Variants in ANTXR2 observed in about 807,000 individuals in gnomAD.
ANTXR2 encodes the protein anthrax toxin receptor 2.
In ANTXR2, 44 loss-of-function variants were observed where a neutral mutation model predicts 73.7. That is an observed-to-expected ratio of 0.60 (90% CI 0.47 to 0.77). The LOEUF (loss-of-function observed/expected upper bound fraction) is 0.77, where lower values mean the gene tolerates loss of function less well. Among genes scored for constraint, ANTXR2 ranks in the 30% least tolerant of loss-of-function variants. ANTXR2 has a pLI of 0.00. For missense variants in ANTXR2, 604 were observed against 592.5 expected (o/e 1.02, Z -0.20); for synonymous variants, 217 against 205.9 (o/e 1.05, Z -0.46).
At chr4:80,065,744 A>G (rs932435221) in intron 3 of ANTXR2, among the ~76,000 whole-genome samples, 9 of 152,196 alleles carry the variant, frequency 5.9e-5, no homozygotes, top group African/African-American at 1.4e-4. Flanking sequence ...CCTCATCTCT[A>G]CTAAGAATCT....
chr4:79,908,649 C>A (rs1727011200), intron 16 of ANTXR2, among the ~76,000 whole-genome samples: 1 of 152,124 alleles, frequency 6.6e-6, no homozygotes, highest in African/African-American at 2.4e-5. Flanking sequence ...ATTATTACTA[C>A]AATTGCCAAT....
At chr4:79,910,059 T>C (rs970869313) in intron 16 of ANTXR2, among the ~76,000 whole-genome samples, 21 of 152,204 alleles carry the variant, frequency 1.4e-4, no homozygotes, top group African/African-American at 5.1e-4. Context: ...TGTGTGACCA[T>C]GGGCGACTTA....
intron 12 of ANTXR2, among the ~76,000 whole-genome samples, chr4:79,989,432 C>A (rs1345258871): frequency 6.6e-6 from 1 of 151,720 alleles, no homozygotes. Context: ...TGAAGATTGA[C>A]CAACAAAGAA....
intron 3 of ANTXR2, among the ~76,000 whole-genome samples, chr4:80,061,215 T>C (rs1734235107): frequency 6.6e-6 from 1 of 152,146 alleles, no homozygotes; most frequent in Admixed American, 6.5e-5. Flanking sequence ...TGCTGCATTC[T>C]ATTGACTGAA....
chr4:80,006,177 C>T (rs559519312), intron 12 of ANTXR2, among the ~76,000 whole-genome samples: 5 of 152,172 alleles, frequency 3.3e-5, no homozygotes, highest in East Asian at 3.9e-4. Flanking sequence ...TCTTTACACA[C>T]GCCGCTATTA....
chr4:80,031,648 C>A lies in ANTXR2; in HGVS notation c.841G>T (p.Ala281Ser). 1 of 1,527,394 alleles carries A rather than the reference C, an allele frequency of 6.5e-7. No homozygotes were observed. 94.6% of individuals were successfully genotyped at this position (1,527,394 alleles called of 1,614,324 possible). A position where few individuals can be genotyped will look rare whatever the true frequency, so the allele number is the denominator to read the frequency against. Reference protein sequence around the residue: ...SVQLNSMLCPAPILNKAGETL... With the variant: ...SVQLNSMLCPSPILNKAGETL... ...TCTCCAGCTTTATTCAGGATAGGTG[C>A]AGGACAAAGCATAGAATTAAGCTGT... The change falls in exon 10 of 17, where the codon GCA becomes TCA. Residue 281 changes from alanine to serine, a missense_variant. Physicochemically the swap from Ala to Ser is moderately conservative, Grantham distance 99. Coordinates refer to ENST00000403729, the MANE Select transcript of ANTXR2 (RefSeq NM_058172.6).
At chr4:80,063,508 AGG>A (rs1734359342) in intron 3 of ANTXR2, among the ~76,000 whole-genome samples, 2 of 152,066 alleles carry the variant, frequency 1.3e-5, no homozygotes. Context: ...AAAATTGTGA[AGG>A]TTTTTTCCAC....
chr4:80,042,429 A>G (rs542210176), intron 7 of ANTXR2, among the ~76,000 whole-genome samples: 1 of 152,034 alleles, frequency 6.6e-6, no homozygotes, highest in Admixed American at 6.6e-5. Context: ...TTCTTTCTCT[A>G]TACTTTTTCT....
chr4:80,068,012 A>G (rs1029964953), intron 3 of ANTXR2, among the ~76,000 whole-genome samples: 1 of 152,192 alleles, frequency 6.6e-6, no homozygotes, highest in Non-Finnish European at 1.5e-5. Context: ...TAAAAAGAAG[A>G]AAGAAAGGAG....
intron 16 of ANTXR2, among the ~76,000 whole-genome samples, chr4:79,918,156 T>C (rs1025953898): frequency 1.1e-4 from 16 of 152,214 alleles, no homozygotes; most frequent in African/African-American, 3.8e-4. Context: ...GGAGAATAGA[T>C]ATTGTTCAAA....
chr4:80,048,137 C>T (rs1733608292), intron 7 of ANTXR2, among the ~76,000 whole-genome samples: 1 of 150,918 alleles, frequency 6.6e-6, no homozygotes, highest in Admixed American at 6.6e-5. Context: ...TTTTAATGCT[C>T]CAATATACCA....
chr4:79,929,363 A>G (rs946150441), intron 16 of ANTXR2, among the ~76,000 whole-genome samples: 2 of 152,114 alleles, frequency 1.3e-5, no homozygotes, highest in Admixed American at 6.5e-5. Flanking sequence ...AAATATAAAA[A>G]TTAGCCGGGC....
chr4:80,048,458 C>T (rs537115155), intron 7 of ANTXR2, among the ~76,000 whole-genome samples: 5 of 151,750 alleles, frequency 3.3e-5, no homozygotes, highest in African/African-American at 1.2e-4. Flanking sequence ...AACAGGAGTC[C>T]TGAAAATTGG....
chr4:80,060,644 T>C (rs1341029385), intron 3 of ANTXR2, among the ~76,000 whole-genome samples: 2 of 152,226 alleles, frequency 1.3e-5, no homozygotes, highest in Non-Finnish European at 1.5e-5. Context: ...CAGTATATTA[T>C]TATAAATGTC....
intron 16 of ANTXR2, among the ~76,000 whole-genome samples, chr4:79,950,411 T>A (rs1578105389): frequency 6.6e-6 from 1 of 152,150 alleles, no homozygotes; most frequent in South Asian, 2.1e-4. Flanking sequence ...GCTACAAAAG[T>A]GTATCTCTTG....
chr4:79,919,143 T>C (rs1047239780), intron 16 of ANTXR2, among the ~76,000 whole-genome samples: 1 of 151,838 alleles, frequency 6.6e-6, no homozygotes, highest in Non-Finnish European at 1.5e-5. Flanking sequence ...ATATGGCAAA[T>C]AGAAATCAAA....
intron 12 of ANTXR2, among the ~76,000 whole-genome samples, chr4:80,003,276 T>C (rs1391465184): frequency 3.3e-5 from 5 of 151,328 alleles, no homozygotes; most frequent in East Asian, 2.0e-4. Context: ...ATGGATGAAA[T>C]TGGAAATCAG....
At chr4:79,936,815 A>G (rs1728282016) in intron 16 of ANTXR2, among the ~76,000 whole-genome samples, 1 of 152,126 alleles carries the variant, frequency 6.6e-6, no homozygotes, top group Admixed American at 6.5e-5. Flanking sequence ...TGTGCTTATA[A>G]TCATTCCCAC....
chr4:80,002,086 G>C (rs1389097904), intron 12 of ANTXR2, among the ~76,000 whole-genome samples: 2 of 152,080 alleles, frequency 1.3e-5, no homozygotes, highest in East Asian at 3.9e-4. Context: ...AACCAAAAAA[G>C]AGCCCGCATC....
Sources: allele counts gnomAD v4.1 joint callset (sites outside exome capture counted in the v4.1 genomes callset), GRCh38; gene constraint gnomAD v4.1.1; transcripts MANE v1.5; gene names NCBI Gene and HGNC (gene_info 2026-07-23, HGNC 2026-07-21).